FLT3: variants seen among roughly 807,000 people sequenced by gnomAD.
The protein encoded by FLT3 is receptor-type tyrosine-protein kinase FLT3.
A neutral mutation model predicts 126.6 loss-of-function variants in FLT3; 46 were observed. That is an observed-to-expected ratio of 0.36 (90% CI 0.29 to 0.46). The LOEUF is 0.46. Among genes scored for constraint, FLT3 ranks in the 20% least tolerant of loss-of-function variants. The probability of loss-of-function intolerance (pLI) is 1.00; values close to 1 mark genes in which losing one functional copy is unlikely to be tolerated. For synonymous variants in FLT3, 404 were observed against 434.4 expected (o/e 0.93, Z 0.87); for missense variants, 1,069 against 1,190.3 (o/e 0.90, Z 1.50).
chr13:28,023,422 C>G lies in FLT3; in HGVS notation c.2346G>C (p.Val782=). ...KRLEEEEDLN[V]LTFEDLLCFA... is the part of the protein sequence containing the mutation. ...AGCAAAGAAGATCTTCAAATGTAAG[C>G]ACATTCAAGTCCTCCTCTTCTTCCA... The change falls in exon 19 of 24, where the codon GTG becomes GTC. Residue 782 remains valine (V), a synonymous_variant. Coordinates refer to ENST00000241453, the MANE Select transcript of FLT3 (RefSeq NM_004119.3). 1.2e-6 allele frequency: 2 copies of G among 1,613,632 alleles called. No homozygotes were observed. Among genetic ancestry groups the G allele is most frequent in the Non-Finnish European group, 1.7e-6 (2 of 1,179,588 alleles).
intron 19 of FLT3, 37 bp downstream of exon 19, chr13:28,023,310 ATCT>A (rs746362390): frequency 1.3e-5 from 21 of 1,581,470 alleles, no homozygotes; most frequent in South Asian, 2.3e-5. Context: ...ATCTTTTCAA[ATCT>A]TTTTTTTGGT....
intron 2 of FLT3, among the ~76,000 whole-genome samples, chr13:28,066,062 C>T (rs757645037): frequency 6.6e-5 from 10 of 152,028 alleles, no homozygotes; most frequent in East Asian, 1.9e-4. Context: ...AGACGGAATA[C>T]GAACCAAATT....
At chr13:28,027,931 T>C (rs1428371070) in intron 16 of FLT3, among the ~76,000 whole-genome samples, 5 of 152,372 alleles carry the variant, frequency 3.3e-5, no homozygotes, top group South Asian at 2.1e-4. Context: ...GTTGTTGTTG[T>C]TGTTTTTAAG....
chr13:28,063,546 A>C (rs1252536972), intron 2 of FLT3, among the ~76,000 whole-genome samples: 1 of 152,224 alleles, frequency 6.6e-6, no homozygotes, highest in Non-Finnish European at 1.5e-5. Flanking sequence ...TCTGCTGTGG[A>C]GTCCCCCACC....
At chr13:28,022,079 C>T (rs918219733) in intron 19 of FLT3, among the ~76,000 whole-genome samples, 2 of 152,024 alleles carry the variant, frequency 1.3e-5, no homozygotes, top group Admixed American at 1.3e-4. Flanking sequence ...GCTCTGTCAC[C>T]CAGGATGGAG....
At chr13:28,008,116 A>T (rs1871070157) in intron 23 of FLT3, among the ~76,000 whole-genome samples, 1 of 151,946 alleles carries the variant, frequency 6.6e-6, no homozygotes, top group Admixed American at 6.6e-5. Context: ...AGGCTGAGGC[A>T]GGAGGATTGC....
chr13:28,028,110 AGC>A, intron 16 of FLT3, 66 bp downstream of exon 16: 2 of 752,914 alleles, frequency 2.7e-6, no homozygotes, highest in Non-Finnish European at 4.8e-6. Context: ...AGAGAGAGAG[AGC>A]AAACATCCTC....
chr13:28,056,554 G>A (rs9513011), intron 4 of FLT3, among the ~76,000 whole-genome samples: 10 of 152,102 alleles, frequency 6.6e-5, no homozygotes, highest in African/African-American at 2.2e-4. Flanking sequence ...TGCATAGCAC[G>A]GAGTCTGTGC....
rs144349858 is a variant in FLT3 at position 28,052,567 on chromosome 13, G to T, written c.592C>A (p.Leu198Ile). The T allele has an allele frequency of 6.2e-7, 1 of 1,613,308 alleles. No individual in the cohort carries two copies. Among genetic ancestry groups the T allele is most frequent in the Non-Finnish European group, 8.5e-7 (1 of 1,179,644 alleles). ...SVPEPIVEWVLCDSQGESCKE... is the reference protein window; with the variant it reads ...SVPEPIVEWVICDSQGESCKE... Reference sequence around the variant, plus strand: ...TACCTTTCCCCCTGTGAATCGCAAAGCACCCATTCCACGATCGGCTCTGGA... The same window carrying T: ...TACCTTTCCCCCTGTGAATCGCAAATCACCCATTCCACGATCGGCTCTGGA... The change falls in exon 5 of 24, where the codon CTT becomes ATT. Residue 198 changes from leucine (L) to isoleucine (I), a missense_variant. Transcript: ENST00000241453.
chr13:28,049,978 C>A (rs1875287559), intron 6 of FLT3, 117 bp downstream of exon 6: 4 of 1,264,980 alleles, frequency 3.2e-6, no homozygotes, highest in Non-Finnish European at 4.4e-6. Context: ...TTACTGTGAC[C>A]TGAAGGAATG....
At chr13:28,053,977 G>A (rs1253665576) in intron 4 of FLT3, among the ~76,000 whole-genome samples, 3 of 152,042 alleles carry the variant, frequency 2.0e-5, no homozygotes, top group African/African-American at 7.2e-5. Flanking sequence ...GCCTCCCAAA[G>A]TGCTTGGATT....
chr13:28,077,041 GAGAGGA>G (rs1398716211), intron 1 of FLT3, among the ~76,000 whole-genome samples: 19 of 147,538 alleles, frequency 1.3e-4, no homozygotes, highest in Non-Finnish European at 1.9e-4. Context: ...GAGAGAGAGA[GAGAGGA>G]AGGAAGGAAG....
chr13:28,034,275 T>A (rs2137676934), intron 13 of FLT3, 26 bp downstream of exon 13: 1 of 1,613,142 alleles, frequency 6.2e-7, no homozygotes, highest in Non-Finnish European at 8.5e-7. Flanking sequence ...GAGGAAAGAA[T>A]AATGAATTTT....
At chr13:28,055,797 A>T (rs1875949051) in intron 4 of FLT3, among the ~76,000 whole-genome samples, 1 of 152,220 alleles carries the variant, frequency 6.6e-6, no homozygotes, top group African/African-American at 2.4e-5. Flanking sequence ...AAGGAGAGAA[A>T]AAAGGAGAAA....
rs1184783541 is a variant in FLT3 at position 28,100,468 on chromosome 13, C to G, written c.43G>C (p.Val15Leu). Residue 15 changes from valine (V) to leucine (L), a missense_variant and splice_region_variant, in exon 1 of 24, where the codon GTT becomes CTT. Physicochemically the swap from Val to Leu is conservative, Grantham distance 32. Coordinates refer to ENST00000241453, the MANE Select transcript of FLT3 (RefSeq NM_004119.3). The surrounding 1 kb of genome is among the most constrained non-coding windows in gnomAD (Gnocchi z 4.8). ...ARDGGQLPLL[V>L]VFSAMIFGTI... ...TGCGAGCGAGCGAGCGGGGCCTTAC[C>G]GAGCAGCGGCAGCTGGCCGCCGTCG... 3 of 1,217,636 alleles carry G rather than the reference C, an allele frequency of 2.5e-6. No homozygotes were observed. Among genetic ancestry groups the G allele is most frequent in the Non-Finnish European group, 3.1e-6 (3 of 979,014 alleles). 75.4% of individuals were successfully genotyped at this position (1,217,636 alleles called of 1,614,324 possible).
chr13:28,019,918 A>G (rs1296109005), intron 19 of FLT3, among the ~76,000 whole-genome samples: 2 of 151,724 alleles, frequency 1.3e-5, no homozygotes, highest in Admixed American at 1.3e-4. Context: ...CACAACCCAC[A>G]CCCTCACCCA....
intron 9 of FLT3, among the ~76,000 whole-genome samples, chr13:28,046,060 C>T (rs2137716935): frequency 6.6e-6 from 1 of 152,098 alleles, no homozygotes; most frequent in Admixed American, 6.6e-5. Flanking sequence ...ACCCGGGATG[C>T]TGAAAAGTAT....
chr13:28,012,622 T>C (rs1339247315), intron 23 of FLT3, among the ~76,000 whole-genome samples: 1 of 152,050 alleles, frequency 6.6e-6, no homozygotes, highest in South Asian at 2.1e-4. Context: ...CACCCAACTA[T>C]GCAATGAGTA....
chr13:28,025,494 A>G, intron 17 of FLT3: 1 of 343,958 alleles, frequency 2.9e-6, no homozygotes, highest in Non-Finnish European at 5.7e-6. Context: ...CTCTGTAGGA[A>G]TTATAAGTAG....
Sources: allele counts gnomAD v4.1 joint callset (sites outside exome capture counted in the v4.1 genomes callset), GRCh38; gene constraint gnomAD v4.1.1; non-coding constraint Gnocchi (gnomAD v3.1); transcripts MANE v1.5; gene names NCBI Gene and HGNC (gene_info 2026-07-23, HGNC 2026-07-21).